Variants in PAM observed in about 807,000 individuals in gnomAD.
PAM encodes the protein peptidylglycine alpha-amidating monooxygenase.
In PAM, 72 loss-of-function variants were observed where a neutral mutation model predicts 122.1. That is an observed-to-expected ratio of 0.59 (90% CI 0.49 to 0.72). The LOEUF (loss-of-function observed/expected upper bound fraction) is 0.72, where lower values mean the gene tolerates loss of function less well. Among genes scored for constraint, PAM ranks in the 30% least tolerant of loss-of-function variants. PAM has a pLI of 0.00. For missense variants in PAM, 1,106 were observed against 1,183.7 expected, an observed-to-expected ratio of 0.93 and a Z score of 0.96; for synonymous variants, 389 against 404.4, an observed-to-expected ratio of 0.96 and a Z score of 0.46.
intron 1 of PAM, among the ~76,000 whole-genome samples, chr5:102,767,903 T>G (rs1436127800): frequency 6.6e-6 from 1 of 152,144 alleles, no homozygotes; most frequent in African/African-American, 2.4e-5. Context: ...TTAAAGTAGT[T>G]GGCCCAAGGT....
At chr5:102,869,734 T>C (rs1320001942) in intron 3 of PAM, among the ~76,000 whole-genome samples, 1 of 152,178 alleles carries the variant, frequency 6.6e-6, no homozygotes, top group African/African-American at 2.4e-5. Flanking sequence ...AATTTGGTGT[T>C]CTAGTGAGGA....
At chr5:102,961,959 C>T (rs1390447876) in intron 14 of PAM, among the ~76,000 whole-genome samples, 1 of 151,790 alleles carries the variant, frequency 6.6e-6, no homozygotes, top group Non-Finnish European at 1.5e-5. Context: ...CGTTTTTAAA[C>T]GTTAGTTTCA....
intron 3 of PAM, among the ~76,000 whole-genome samples, chr5:102,872,238 A>G (rs1787761523): frequency 1.3e-5 from 2 of 152,194 alleles, no homozygotes; most frequent in South Asian, 4.1e-4. Context: ...CTAAGCACAT[A>G]TATCTATTGC....
intron 1 of PAM, among the ~76,000 whole-genome samples, chr5:102,776,128 A>T (rs998855432): frequency 1.3e-5 from 2 of 152,110 alleles, no homozygotes; most frequent in African/African-American, 4.8e-5. Flanking sequence ...TGTTGGCCAC[A>T]TAAATCTCCT....
At chr5:102,984,850 A>T (rs1202942339) in intron 15 of PAM, among the ~76,000 whole-genome samples, 2 of 152,178 alleles carry the variant, frequency 1.3e-5, no homozygotes, top group African/African-American at 4.8e-5. Context: ...AAGTCTCAAC[A>T]AAATTTTAAA....
chr5:102,769,170 T>C (rs1755023153), intron 1 of PAM, among the ~76,000 whole-genome samples: 1 of 152,144 alleles, frequency 6.6e-6, no homozygotes. Context: ...TCTATTCAGA[T>C]CTTTTGCCCA....
chr5:102,957,665 G>A (rs1582164384), intron 12 of PAM, among the ~76,000 whole-genome samples: 1 of 152,182 alleles, frequency 6.6e-6, no homozygotes, highest in East Asian at 1.9e-4. Flanking sequence ...GAGTAGTTGG[G>A]ATTACAGGCA....
chr5:102,776,091 G>A (rs1410953403), intron 1 of PAM, among the ~76,000 whole-genome samples: 1 of 152,200 alleles, frequency 6.6e-6, no homozygotes, highest in East Asian at 1.9e-4. Context: ...CTAATGATCA[G>A]TGATGTTGAG....
At chr5:102,972,576 C>T (rs924289912) in intron 14 of PAM, among the ~76,000 whole-genome samples, 1 of 152,166 alleles carries the variant, frequency 6.6e-6, no homozygotes, top group African/African-American at 2.4e-5. Context: ...GCCTCCACTC[C>T]CAGCCTCAAG....
chr5:102,795,245 G>A (rs948055607), intron 1 of PAM, among the ~76,000 whole-genome samples: 4 of 148,284 alleles, frequency 2.7e-5, no homozygotes, highest in African/African-American at 9.9e-5. Flanking sequence ...AAAGTGCTTG[G>A]AATGGGAGAT....
chr5:102,828,712 G>A (rs980741276), intron 1 of PAM, among the ~76,000 whole-genome samples: 1 of 152,228 alleles, frequency 6.6e-6, no homozygotes, highest in African/African-American at 2.4e-5. Context: ...AGATAGAAAT[G>A]TAAATGTCAG....
At chr5:102,968,064 G>T (rs1582310613) in intron 14 of PAM, among the ~76,000 whole-genome samples, 1 of 152,238 alleles carries the variant, frequency 6.6e-6, no homozygotes, top group Non-Finnish European at 1.5e-5. Flanking sequence ...GCAAATCGCT[G>T]TGGTATGTAT....
chr5:102,955,068 A>G (rs1013472291), intron 12 of PAM, among the ~76,000 whole-genome samples: 2 of 152,044 alleles, frequency 1.3e-5, no homozygotes, highest in African/African-American at 4.8e-5. Context: ...AAGTTTTTAT[A>G]TTTCTTTCTA....
intron 12 of PAM, among the ~76,000 whole-genome samples, chr5:102,959,092 T>A (rs1462773274): frequency 2.0e-5 from 3 of 152,190 alleles, no homozygotes; most frequent in Non-Finnish European, 4.4e-5. Flanking sequence ...AACTATTAGA[T>A]ATTTTTTCTA....
rs17154752 is a variant in PAM at position 102,831,200 on chromosome 5, T to A, written c.-373-34623T>A. Among the ~76,000 whole-genome samples, 1,295 of 152,282 alleles carry A rather than the reference T, an allele frequency of 8.5e-3. 17 individuals carry two copies. The highest frequency in any genetic ancestry group is 0.03 in the African/African-American group (1,253 of 41,562). On this transcript the variant is annotated intron_variant, in intron 1 of 25. Transcript: ENST00000438793. Reference sequence around the variant, plus strand: ...TTTTCCTAGTCACTTTATTATAATGTTCATGGAAACCGTTACTTGAATACA... The same window carrying A: ...TTTTCCTAGTCACTTTATTATAATGATCATGGAAACCGTTACTTGAATACA...
intron 1 of PAM, among the ~76,000 whole-genome samples, chr5:102,819,347 A>T (rs954961998): frequency 2.6e-5 from 4 of 152,146 alleles, no homozygotes; most frequent in Non-Finnish European, 5.9e-5. Context: ...GCAGGGTGTC[A>T]CTTGCTAGAA....
At chr5:102,995,761 A>T (rs116782923) in intron 16 of PAM, among the ~76,000 whole-genome samples, 4,634 of 152,072 alleles carry the variant, frequency 0.03, 102 homozygotes, top group Non-Finnish European at 0.049. Context: ...AAATAGTCAT[A>T]CTGAATTTTT....
intron 1 of PAM, among the ~76,000 whole-genome samples, chr5:102,779,886 C>CATT (rs1485377581): frequency 1.2e-5 from 1 of 81,070 alleles, no homozygotes; most frequent in Non-Finnish European, 2.2e-5. Context: ...CTCCCATATA[C>CATT]ATATATATAT....
At chr5:102,900,355 T>G (rs913224283) in intron 3 of PAM, among the ~76,000 whole-genome samples, 1 of 150,852 alleles carries the variant, frequency 6.6e-6, no homozygotes, top group Non-Finnish European at 1.5e-5. Context: ...AATGAAACAA[T>G]GCTGAAATGA....
Sources: allele counts gnomAD v4.1 joint callset (sites outside exome capture counted in the v4.1 genomes callset), GRCh38; gene constraint gnomAD v4.1.1; transcripts MANE v1.5; gene names NCBI Gene and HGNC (gene_info 2026-07-23, HGNC 2026-07-21).